ATP13A5: variants seen among roughly 807,000 people sequenced by gnomAD.
ATP13A5 encodes the protein probable cation-transporting ATPase 13A5.
Under a neutral mutation model 150.2 loss-of-function variants are expected in ATP13A5, and 149 were observed. The observed-to-expected ratio is 0.99, with a 90% CI of 0.87 to 1.14. The LOEUF is 1.14. Ranked by LOEUF, ATP13A5 falls within the 50% of genes most tolerant of loss-of-function variation. The probability of loss-of-function intolerance (pLI) is 0.00; values close to 1 mark genes in which losing one functional copy is unlikely to be tolerated. For missense variants in ATP13A5, 1,383 were observed against 1,449.3 expected, an observed-to-expected ratio of 0.95 and a Z score of 0.74; for synonymous variants, 497 against 522.2, an observed-to-expected ratio of 0.95 and a Z score of 0.66.
Position 193,371,055 on chromosome 3 carries a change from T to C in ATP13A5, c.64-6775A>G, listed in dbSNP as rs118081016. The stretch of plus-strand genomic sequence containing the variant: ...GTGAAAGTGCAACTAAGGACCTTTG[T>C]TTGGTGAGGCTAACAGCAGAGAGCT... On this transcript the variant is annotated intron_variant, in intron 1 of 29. Coordinates refer to ENST00000342358, the MANE Select transcript of ATP13A5 (RefSeq NM_198505.4). 1.5e-3 allele frequency among the ~76,000 whole-genome samples: 222 copies of C among 152,228 alleles called. 8 individuals are homozygous for C. In the East Asian group the frequency reaches 0.038, roughly 26 times the overall value.
Position 193,354,094 on chromosome 3 carries a change from T to C in ATP13A5, c.606+33A>G, listed in dbSNP as rs777146594. On this transcript the variant is annotated intron_variant, in intron 6 of 29. Coordinates refer to ENST00000342358, the MANE Select transcript of ATP13A5 (RefSeq NM_198505.4). ...TAAGAAGTAAGGGGCAGAAATCTAT[T>C]TTTTCAAAAAAAAAAGAAAAGAAAA... 2.9e-5 allele frequency: 44 copies of C among 1,529,778 alleles called. No homozygotes were observed. In the Admixed American group the frequency reaches 8.7e-4, roughly 30 times the overall value. The allele number at this position is 1,529,778 out of a possible 1,614,324, so 94.8% of individuals were successfully genotyped here. A position where few individuals can be genotyped will look rare whatever the true frequency, so the allele number is the denominator to read the frequency against.
intron 28 of ATP13A5, 108 bp from the exon 29 acceptor site, chr3:193,276,938 G>C: frequency 1.2e-6 from 1 of 814,432 alleles, no homozygotes; most frequent in Non-Finnish European, 1.9e-6. Context: ...TGAGCTTAGT[G>C]GTGGGCATTA....
At chr3:193,288,804 A>G (rs1448414229) in intron 26 of ATP13A5, among the ~76,000 whole-genome samples, 1 of 152,154 alleles carries the variant, frequency 6.6e-6, no homozygotes, top group Non-Finnish European at 1.5e-5. Flanking sequence ...ACCAAAGAGT[A>G]TCTAGTCCAA....
chr3:193,311,872 T>C lies in ATP13A5; in HGVS notation c.2389A>G (p.Met797Val). ...GEGGSCYHFA[M>V]SGKSYQVIFQ... ...ATCACTTGGTATGATTTCCCACTCATTGCAAAATGGTAACAGCTTCCTCCT... is the reference window on the plus strand; with the variant it reads ...ATCACTTGGTATGATTTCCCACTCACTGCAAAATGGTAACAGCTTCCTCCT... The change falls in exon 20 of 30, where the codon ATG becomes GTG. Residue 797 changes from methionine (M) to valine (V), a missense_variant. Physicochemically the swap from Met to Val is conservative, Grantham distance 21 (BLOSUM62 1). This residue lies in a region of ATP13A5 where 568 missense variants were observed against 621.5 expected (regional missense o/e 0.91). Coordinates refer to ENST00000342358, the MANE Select transcript of ATP13A5 (RefSeq NM_198505.4). 3 of 1,614,010 alleles carry C rather than the reference T, an allele frequency of 1.9e-6. No homozygotes were observed. In the South Asian group the frequency reaches 3.3e-5, roughly 18 times the overall value.
At chr3:193,347,355 AG>A (rs11339529) in intron 7 of ATP13A5, among the ~76,000 whole-genome samples, 6 of 150,710 alleles carry the variant, frequency 4.0e-5, no homozygotes, top group East Asian at 2.0e-4. Flanking sequence ...ACCAAATAAA[AG>A]GGGGTTGAAA....
rs1400258958 is a variant in ATP13A5 at position 193,276,803 on chromosome 3, C to T, written c.3343G>A (p.Val1115Ile). ...ELIPTITSWR[V>I]LILVVALTQF... ...GTGAGGGCTACCACCAAAATTAAAA[C>T]CCTCCACGATGTTATGGTTGGGATC... The change falls in exon 29 of 30, where the codon GTT (valine) becomes ATT (isoleucine). Residue 1115 changes from valine (V) to isoleucine (I), a missense_variant. Around this residue, in one of 3 missense-constraint regions of ATP13A5, gnomAD observed 568 missense variants for 621.5 expected, o/e 0.91. Coordinates refer to ENST00000342358, the MANE Select transcript of ATP13A5 (RefSeq NM_198505.4). 1 of 1,613,656 alleles carries T rather than the reference C, an allele frequency of 6.2e-7. No homozygotes were observed. Among genetic ancestry groups the T allele is most frequent in the Admixed American group, 1.7e-5 (1 of 59,992 alleles).
intron 23 of ATP13A5, among the ~76,000 whole-genome samples, chr3:193,302,960 C>T (rs1718461289): frequency 6.6e-6 from 1 of 152,156 alleles, no homozygotes; most frequent in South Asian, 2.1e-4. Context: ...AATTTTACAT[C>T]ATGACTTGTA....
intron 13 of ATP13A5, among the ~76,000 whole-genome samples, chr3:193,326,069 T>C (rs781259434): frequency 2.6e-5 from 4 of 152,212 alleles, no homozygotes; most frequent in Non-Finnish European, 5.9e-5. Flanking sequence ...ATCACACTGC[T>C]TGTCTGCTGT....
At chr3:193,349,597 G>C (rs1436499752) in intron 7 of ATP13A5, among the ~76,000 whole-genome samples, 1 of 151,952 alleles carries the variant, frequency 6.6e-6, no homozygotes, top group African/African-American at 2.4e-5. Context: ...AATATAAAGA[G>C]GCCCTTAATA....
chr3:193,328,325 C>T lies in ATP13A5; in HGVS notation c.1462-1268G>A, dbSNP rs575489278. The stretch of plus-strand genomic sequence containing the variant: ...ACTTCACAAAGAAGGTGCTAACACA[C>T]GAGTGAATTATTTCTTAAACAACAA... On this transcript the variant is annotated intron_variant, in intron 12 of 29. Coordinates refer to ENST00000342358, the MANE Select transcript of ATP13A5 (RefSeq NM_198505.4). Among the ~76,000 whole-genome samples, 9 of 152,320 alleles carry T rather than the reference C, an allele frequency of 5.9e-5. 1 individual carries two copies. The Middle Eastern group carries it at 0.014, about 232-fold the overall frequency.
intron 28 of ATP13A5, among the ~76,000 whole-genome samples, chr3:193,277,289 A>C (rs879819618): frequency 2.0e-5 from 3 of 152,200 alleles, no homozygotes; most frequent in Non-Finnish European, 2.9e-5. Context: ...CTAGATGCAG[A>C]TTGCTTCTGG....
chr3:193,360,922 C>T (rs1237858679), intron 5 of ATP13A5, among the ~76,000 whole-genome samples: 3 of 152,156 alleles, frequency 2.0e-5, no homozygotes, highest in Non-Finnish European at 4.4e-5. Context: ...GGTGAACCAC[C>T]CGCCTTGGCC....
intron 16 of ATP13A5, 22 bp downstream of exon 16, chr3:193,321,659 T>G (rs553016964): frequency 6.2e-7 from 1 of 1,610,794 alleles, no homozygotes; most frequent in Admixed American, 1.7e-5. Context: ...TTTTACTTCT[T>G]GAAAGAGAAA....
Position 193,331,172 on chromosome 3 carries a change from G to C in ATP13A5, c.1412C>G (p.Pro471Arg). ...TTGCCCACACATGTTGATTCTCTGT[G>C]GGGAGATACAGAAGATTTTCTTTTT... ...LKKKKIFCISPQRINMCGQIN... is the reference protein window; with the variant it reads ...LKKKKIFCISRQRINMCGQIN... Residue 471 changes from proline to arginine, a missense_variant, in exon 12 of 30, where the codon CCA becomes CGA. By Grantham distance (103) the Pro-to-Arg change is moderately radical. Transcript: ENST00000342358. 1 of 1,614,022 alleles carries C rather than the reference G, an allele frequency of 6.2e-7. No homozygotes were observed. Among genetic ancestry groups the C allele is most frequent in the Non-Finnish European group, 8.5e-7 (1 of 1,179,946 alleles).
At chr3:193,301,826 T>A (rs906835948) in intron 23 of ATP13A5, among the ~76,000 whole-genome samples, 1 of 152,102 alleles carries the variant, frequency 6.6e-6, no homozygotes, top group Admixed American at 6.6e-5. Flanking sequence ...ATATTTGAGA[T>A]TAAATGGGTA....
chr3:193,363,411 T>C, intron 2 of ATP13A5, 29 bp from the exon 3 acceptor site: 4 of 1,600,806 alleles, frequency 2.5e-6, no homozygotes, highest in Middle Eastern at 1.7e-4. Context: ...TTCATGAAAT[T>C]CTCAAGTGTT....
At chr3:193,326,902 G>C (rs916666417) in intron 13 of ATP13A5, 94 bp downstream of exon 13, 2 of 1,043,116 alleles carry the variant, frequency 1.9e-6, no homozygotes, top group Admixed American at 1.9e-5. Context: ...TATATTTTAT[G>C]TGACATTCAT....
intron 28 of ATP13A5, among the ~76,000 whole-genome samples, chr3:193,278,945 T>G (rs1371074912): frequency 1.3e-5 from 2 of 152,216 alleles, no homozygotes; most frequent in Non-Finnish European, 2.9e-5. Context: ...GATATAAAAC[T>G]TCATGTAGTC....
intron 28 of ATP13A5, among the ~76,000 whole-genome samples, chr3:193,279,142 G>A (rs899331358): frequency 2.0e-5 from 3 of 151,990 alleles, no homozygotes; most frequent in Admixed American, 6.6e-5. Flanking sequence ...CAATATTTCA[G>A]GTAGGTACAG....
Sources: allele counts gnomAD v4.1 joint callset (sites outside exome capture counted in the v4.1 genomes callset), GRCh38; gene constraint gnomAD v4.1.1; regional missense constraint gnomAD v4.1.1; transcripts MANE v1.5; gene names NCBI Gene and HGNC (gene_info 2026-07-23, HGNC 2026-07-21).